TBC1D9: variants seen among roughly 807,000 people sequenced by gnomAD.
TBC1D9 encodes TBC1 domain family member 9.
TBC1D9 carries 63 observed loss-of-function variants against 132.0 expected under a neutral mutation model. That is an observed-to-expected ratio of 0.48 (90% CI 0.39 to 0.59). The LOEUF is 0.59. Ranked by LOEUF, TBC1D9 falls within the 20% of genes least tolerant of loss-of-function variation. TBC1D9 has a pLI of 0.00. For synonymous variants in TBC1D9, 610 were observed against 609.9 expected (o/e 1.00, Z 0.00); for missense variants, 1,261 against 1,592.7 (o/e 0.79, Z 3.54).
rs1737371971 is a variant in TBC1D9, at chr4:140,662,163, T to C, written c.1589-56A>G. The C allele has an allele frequency of 2.9e-6, 4 of 1,374,956 alleles. No individual in the cohort carries two copies. The South Asian group carries it at 4.6e-5, about 16-fold the overall frequency. The allele number at this position is 1,374,956 out of a possible 1,614,324, so 85.2% of individuals were successfully genotyped here. ...AAACGTGAGAGCTCTGCCTTTTGGT[T>C]TGCAACTACAGCTTATGATTGAACT... is the stretch of plus-strand genomic sequence containing the variant. On this transcript the variant is annotated intron_variant, in intron 9 of 20. Coordinates refer to ENST00000442267, the MANE Select transcript of TBC1D9 (RefSeq NM_015130.3).
At chr4:140,697,876 G>A (rs751339979) in intron 2 of TBC1D9, among the ~76,000 whole-genome samples, 1 of 152,126 alleles carries the variant, frequency 6.6e-6, no homozygotes, top group African/African-American at 2.4e-5. Flanking sequence ...AAATTGAGGT[G>A]GGAAGACCGA....
chr4:140,749,272 T>G (rs150880068), intron 1 of TBC1D9, among the ~76,000 whole-genome samples: 96 of 151,348 alleles, frequency 6.3e-4, no homozygotes, highest in African/African-American at 2.3e-3. Flanking sequence ...AAAAATGCAT[T>G]TGTATTGTCC....
intron 2 of TBC1D9, among the ~76,000 whole-genome samples, chr4:140,689,749 A>AC (rs1367176871): frequency 8.4e-5 from 3 of 35,756 alleles, no homozygotes; most frequent in Admixed American, 3.5e-4. Context: ...CCTTCCTCCC[A>AC]CCCCTTTTTT....
rs544730404 is a variant in TBC1D9 at position 140,728,797 on chromosome 4, G to A, written c.130+27119C>T. On this transcript the variant is annotated intron_variant, in intron 1 of 20. Coordinates refer to ENST00000442267, the MANE Select transcript of TBC1D9 (RefSeq NM_015130.3). ...CCTTCCTCAGCCTCTCAAGTAGCTG[G>A]GACTACAGGTGTGCGCCACCCACAC... 2.6e-5 allele frequency among the ~76,000 whole-genome samples: 4 copies of A among 152,196 alleles called. No homozygotes were observed. The East Asian group carries it at 5.8e-4, about 22-fold the overall frequency.
intron 1 of TBC1D9, among the ~76,000 whole-genome samples, chr4:140,755,118 A>G (rs1016818796): frequency 3.3e-5 from 5 of 152,168 alleles, no homozygotes; most frequent in Non-Finnish European, 5.9e-5. Flanking sequence ...GTTCATTCTA[A>G]ATAACACAGA....
intron 2 of TBC1D9, among the ~76,000 whole-genome samples, chr4:140,700,608 G>A (rs533813002): frequency 6.6e-4 from 101 of 152,036 alleles, no homozygotes; most frequent in African/African-American, 2.2e-3. Context: ...TTGCTTTGAG[G>A]TCAGGAGTTC....
intron 2 of TBC1D9, among the ~76,000 whole-genome samples, chr4:140,690,557 G>C (rs928125898): frequency 1.3e-5 from 2 of 151,990 alleles, no homozygotes; most frequent in Non-Finnish European, 2.9e-5. Flanking sequence ...GCCTTTTGGA[G>C]TCATCGCCAG....
chr4:140,676,744 A>G (rs1459024671), intron 6 of TBC1D9, 150 bp downstream of exon 6: 2 of 1,061,532 alleles, frequency 1.9e-6, no homozygotes. Flanking sequence ...CACAGCAGTG[A>G]CAACAAATGA....
At chr4:140,747,234 C>G (rs2111083812) in intron 1 of TBC1D9, among the ~76,000 whole-genome samples, 1 of 152,000 alleles carries the variant, frequency 6.6e-6, no homozygotes, top group Middle Eastern at 3.4e-3. Flanking sequence ...CACCTGTAGT[C>G]CTAGCTACTT....
At chr4:140,746,039 T>C (rs1167079622) in intron 1 of TBC1D9, among the ~76,000 whole-genome samples, 1 of 152,240 alleles carries the variant, frequency 6.6e-6, no homozygotes, top group African/African-American at 2.4e-5. Flanking sequence ...TCCAATGCTC[T>C]AACTCAGATG....
Position 140,732,472 on chromosome 4 carries a change from T to C in TBC1D9, c.130+23444A>G, listed in dbSNP as rs939859294. ...CTCAAATATAATTACAAGAAGACTTTTGGGAAATTAGAACACCTTTCCCAT... is the reference window on the plus strand; with the variant it reads ...CTCAAATATAATTACAAGAAGACTTCTGGGAAATTAGAACACCTTTCCCAT... On this transcript the variant is annotated intron_variant, in intron 1 of 20. Coordinates refer to ENST00000442267, the MANE Select transcript of TBC1D9 (RefSeq NM_015130.3). Among the ~76,000 whole-genome samples, 9 of 152,206 alleles carry C rather than the reference T, an allele frequency of 5.9e-5. 1 individual carries two copies. The highest frequency in any genetic ancestry group is 5.2e-4 in the Admixed American group (8 of 15,284).
intron 15 of TBC1D9, among the ~76,000 whole-genome samples, chr4:140,635,496 A>G (rs986990086): frequency 1.1e-4 from 17 of 152,142 alleles, no homozygotes; most frequent in Non-Finnish European, 2.2e-4. Flanking sequence ...AAATAAAACT[A>G]AAAAAGAAGA....
In TBC1D9 at chr4:140,662,049, G is replaced by A; in HGVS notation, c.1647C>T (p.Ser549=). The change falls in exon 10 of 21, where the codon TCC becomes TCT. Residue 549 remains serine (S), a synonymous_variant. Coordinates refer to ENST00000442267, the MANE Select transcript of TBC1D9 (RefSeq NM_015130.3). ...PGYYEDLVEK[S]MGKYNLATEE... Reference sequence around the variant, plus strand: ...CCGTGGCGAGATTATACTTCCCCATGGACTTCTCCACTAGGTCTTCATAGT... The same window carrying A: ...CCGTGGCGAGATTATACTTCCCCATAGACTTCTCCACTAGGTCTTCATAGT... 6.2e-7 allele frequency: 1 copy of A among 1,613,832 alleles called. No homozygotes were observed. The highest frequency in any genetic ancestry group is 1.1e-5 in the South Asian group (1 of 91,080).
intron 4 of TBC1D9, 61 bp from the exon 5 acceptor site, chr4:140,679,264 G>A (rs1737670426): frequency 1.3e-6 from 2 of 1,550,304 alleles, no homozygotes; most frequent in Non-Finnish European, 1.7e-6. Flanking sequence ...TCAAGATATT[G>A]CAGTCTCACA....
At chr4:140,729,415 T>A (rs1321203224) in intron 1 of TBC1D9, among the ~76,000 whole-genome samples, 1 of 152,118 alleles carries the variant, frequency 6.6e-6, no homozygotes, top group Non-Finnish European at 1.5e-5. Flanking sequence ...AATTTATCCA[T>A]CACAACAGCA....
intron 16 of TBC1D9, among the ~76,000 whole-genome samples, chr4:140,629,672 G>T (rs1034088470): frequency 6.6e-6 from 1 of 152,006 alleles, no homozygotes; most frequent in African/African-American, 2.4e-5. Flanking sequence ...TATCCCTCTG[G>T]AATGAGTTCA....
At chr4:140,694,192 A>G (rs763094329) in intron 2 of TBC1D9, among the ~76,000 whole-genome samples, 3 of 152,252 alleles carry the variant, frequency 2.0e-5, no homozygotes, top group Non-Finnish European at 2.9e-5. Context: ...TTCAAAATAC[A>G]GTAATAGTAG....
Position 140,627,437 on chromosome 4 carries a change from T to C in TBC1D9, c.2899+4A>G. 6.3e-7 allele frequency: 1 copy of C among 1,585,814 alleles called. No homozygotes were observed. Among genetic ancestry groups the C allele is most frequent in the Non-Finnish European group, 8.6e-7 (1 of 1,156,818 alleles). ...TAGTATCTTTGGTGAGAAAAGTCAC[T>C]TACCATGTGTACATTCTGGGGTAAT... On this transcript the variant is annotated splice_donor_region_variant and intron_variant, in intron 18 of 20. Coordinates refer to ENST00000442267, the MANE Select transcript of TBC1D9 (RefSeq NM_015130.3).
intron 8 of TBC1D9, among the ~76,000 whole-genome samples, chr4:140,669,352 A>G (rs1737499404): frequency 6.6e-6 from 1 of 152,158 alleles, no homozygotes; most frequent in South Asian, 2.1e-4. Context: ...TAAGTTAATG[A>G]TGTTTAAATA....
Sources: allele counts gnomAD v4.1 joint callset (sites outside exome capture counted in the v4.1 genomes callset), GRCh38; gene constraint gnomAD v4.1.1; transcripts MANE v1.5; gene names NCBI Gene and HGNC (gene_info 2026-07-23, HGNC 2026-07-21).